TENM3: variants seen among roughly 807,000 people sequenced by gnomAD.
The protein encoded by TENM3 is teneurin transmembrane protein 3, also known as teneurin-3.
In TENM3, 63 loss-of-function variants were observed where a neutral mutation model predicts 255.1. That is an observed-to-expected ratio of 0.25 (90% CI 0.20 to 0.30). The LOEUF is 0.30. TENM3 is among the 10% of genes least tolerant of loss of function. The pLI, the probability that TENM3 is intolerant of heterozygous loss-of-function variation, is 1.00. For missense variants in TENM3, 2,929 were observed against 3,461.1 expected (o/e 0.85, Z 3.86); for synonymous variants, 1,306 against 1,322.3 (o/e 0.99, Z 0.27).
At chr4:182,203,615 C>G (rs540622622) in intron 1 of TENM3, among the ~76,000 whole-genome samples, 4 of 152,192 alleles carry the variant, frequency 2.6e-5, no homozygotes, top group African/African-American at 9.7e-5. Flanking sequence ...ACTCCCTTTC[C>G]CCCGCTTTGC....
chr4:182,610,867 C>T (rs1299777622), intron 4 of TENM3, among the ~76,000 whole-genome samples: 1 of 151,712 alleles, frequency 6.6e-6, no homozygotes, highest in Non-Finnish European at 1.5e-5. Context: ...CCTCAGCCTC[C>T]CGAGTAGCTG....
chr4:181,899,415 T>A, the TENM3 span, among the ~76,000 whole-genome samples: 1 of 152,072 alleles, frequency 6.6e-6, no homozygotes, highest in Non-Finnish European at 1.5e-5. Flanking sequence ...TAGAGAAACG[T>A]AGAAAGAAAA....
chr4:182,445,611 A>AT (rs35421030), intron 3 of TENM3, among the ~76,000 whole-genome samples: 11,673 of 146,836 alleles, frequency 0.079, 683 homozygotes, highest in East Asian at 0.22. Flanking sequence ...TGGACTTTTT[A>AT]TTTTTTTTTT....
chr4:182,293,311 G>C (rs1467267524), intron 1 of TENM3, among the ~76,000 whole-genome samples: 1 of 152,140 alleles, frequency 6.6e-6, no homozygotes, highest in Non-Finnish European at 1.5e-5. Flanking sequence ...AACCAGACTT[G>C]CTAACAGTGG....
the TENM3 span, among the ~76,000 whole-genome samples, chr4:181,817,833 T>C: frequency 1.3e-5 from 2 of 152,136 alleles, no homozygotes; most frequent in Non-Finnish European, 1.5e-5. Flanking sequence ...CTGTAAGAAA[T>C]AAATTTTGAT....
At chr4:181,744,385 G>A in the TENM3 span, among the ~76,000 whole-genome samples, 1 of 152,242 alleles carries the variant, frequency 6.6e-6, no homozygotes, top group East Asian at 1.9e-4. Context: ...CTGCCTCTAG[G>A]TCTTTGAGGA....
chr4:181,754,169 C>T, the TENM3 span, among the ~76,000 whole-genome samples: 1 of 151,830 alleles, frequency 6.6e-6, no homozygotes, highest in African/African-American at 2.4e-5. Context: ...TTGACAAAAG[C>T]GAGTCTTGAA....
In TENM3 at chr4:182,650,468, A is replaced by G. The variant is rs563395075; in HGVS notation, c.989-3303A>G. 2.4e-3 allele frequency among the ~76,000 whole-genome samples: 368 copies of G among 150,254 alleles called. 23 individuals are homozygous for G. The highest frequency in any genetic ancestry group is 4.6e-3 in the South Asian group (21 of 4,568). On this transcript the variant is annotated intron_variant, in intron 5 of 27. Coordinates refer to ENST00000511685, the MANE Select transcript of TENM3 (RefSeq NM_001080477.4). ...TGGACTTACCCTTCTTTATTTTCAG[A>G]TGTATTTTATTTGGCGAATTTTCCC...
chr4:182,672,064 A>C (rs904191045), intron 6 of TENM3, among the ~76,000 whole-genome samples: 3 of 152,188 alleles, frequency 2.0e-5, no homozygotes, highest in Non-Finnish European at 4.4e-5. Context: ...CGTCTGCATA[A>C]GAGACAATGT....
the TENM3 span, among the ~76,000 whole-genome samples, chr4:181,639,058 CTGTT>C: frequency 5.3e-5 from 8 of 152,036 alleles, no homozygotes; most frequent in Non-Finnish European, 1.2e-4. Flanking sequence ...TTTTTTTTGA[CTGTT>C]TGGGAATACT....
chr4:182,396,288 C>G (rs1422896883), intron 3 of TENM3, among the ~76,000 whole-genome samples: 1 of 152,178 alleles, frequency 6.6e-6, no homozygotes, highest in Non-Finnish European at 1.5e-5. Flanking sequence ...CATGAGGAAG[C>G]CTAGTATTTC....
At chr4:182,485,598 G>C (rs1734621400) in intron 3 of TENM3, among the ~76,000 whole-genome samples, 1 of 151,978 alleles carries the variant, frequency 6.6e-6, no homozygotes, top group Non-Finnish European at 1.5e-5. Context: ...TTGATACTTT[G>C]CTTTAGAGGT....
intron 22 of TENM3, 138 bp downstream of exon 22, chr4:182,755,397 C>A: frequency 1.2e-6 from 1 of 861,450 alleles, no homozygotes; most frequent in Non-Finnish European, 1.7e-6. Flanking sequence ...TGGATCCCGG[C>A]TGGGCACGGT....
the TENM3 span, among the ~76,000 whole-genome samples, chr4:181,965,831 T>C: frequency 6.6e-6 from 1 of 152,214 alleles, no homozygotes; most frequent in Admixed American, 6.5e-5. Context: ...ATTCCACCTC[T>C]ATAGAGTGGC....
At chr4:182,160,042 G>T (rs927916956) in intron 1 of TENM3, among the ~76,000 whole-genome samples, 2 of 144,718 alleles carry the variant, frequency 1.4e-5, no homozygotes, top group South Asian at 2.1e-4. Context: ...TCGCTCTGTC[G>T]CCCAGGCTGG....
Position 182,600,922 on chromosome 4 carries a change from AG to A in TENM3, c.512-1del. ...CTTTTTTTTTTTTTTTTTTTTTTTC[AG>A]AGCAACCTGCAAGCAATCAAGGCCA... On this transcript the variant is annotated splice_acceptor_variant, in intron 3 of 27. Transcript: ENST00000511685. LOFTEE classifies it high-confidence loss of function. The A allele has an allele frequency of 1.1e-6, 1 of 946,380 alleles. No homozygotes were observed. The allele number at this position is 946,380 out of a possible 1,614,324, so 58.6% of individuals were successfully genotyped here. A position where few individuals can be genotyped will look rare whatever the true frequency, so the allele number is the denominator to read the frequency against.
chr4:182,124,288 G>A, the TENM3 span, among the ~76,000 whole-genome samples: 1 of 152,118 alleles, frequency 6.6e-6, no homozygotes, highest in African/African-American at 2.4e-5. Flanking sequence ...CTTACCTCAG[G>A]TGCCCCACCC....
chr4:181,675,417 A>C, the TENM3 span, among the ~76,000 whole-genome samples: 2 of 152,166 alleles, frequency 1.3e-5, no homozygotes, highest in African/African-American at 4.8e-5. Context: ...TTTTTCACTA[A>C]TATGACTTAC....
intron 1 of TENM3, among the ~76,000 whole-genome samples, chr4:182,254,949 C>T (rs562277113): frequency 6.6e-6 from 1 of 152,122 alleles, no homozygotes; most frequent in African/African-American, 2.4e-5. Flanking sequence ...GTTGTGTTTA[C>T]GAACCATGTG....
Sources: allele counts gnomAD v4.1 joint callset (sites outside exome capture counted in the v4.1 genomes callset), GRCh38; gene constraint gnomAD v4.1.1; transcripts MANE v1.5; gene names NCBI Gene and HGNC (gene_info 2026-07-23, HGNC 2026-07-21).